AGA: variants seen among roughly 807,000 people sequenced by gnomAD.
The protein encoded by AGA is N(4)-(beta-N-acetylglucosaminyl)-L-asparaginase.
AGA carries 31 observed loss-of-function variants against 40.1 expected under a neutral mutation model. That is an observed-to-expected ratio of 0.77 (90% CI 0.58 to 1.04). The LOEUF (loss-of-function observed/expected upper bound fraction) is 1.04, where lower values mean the gene tolerates loss of function less well. Ranked by LOEUF, AGA falls within the 50% of genes least tolerant of loss-of-function variation. The pLI is 0.00. For missense variants in AGA, 445 were observed against 435.4 expected (o/e 1.02, Z -0.20); for synonymous variants, 148 against 144.0 (o/e 1.03, Z -0.20).
At position 177,436,212 on chromosome 4, in the gene AGA, C is replaced by T. The variant is rs79838824; in HGVS notation, c.698+64G>A. On this transcript the variant is annotated intron_variant, in intron 6 of 8. Transcript: ENST00000264595. ...GCTGTGCTTTGCAACCCCCATAGCA[C>T]CCGGCATATATTGCTCTGCATTCAG... is the stretch of plus-strand genomic sequence containing the variant. 0.011 allele frequency: 14,989 copies of T among 1,368,842 alleles called. 351 individuals carry two copies. The highest frequency in any genetic ancestry group is 0.066 in the Admixed American group (3,916 of 59,552). 84.8% of individuals were successfully genotyped at this position (1,368,842 alleles called of 1,614,324 possible). A position where few individuals can be genotyped will look rare whatever the true frequency, so the allele number is the denominator to read the frequency against.
chr4:177,433,837 G>A (rs1736706620), intron 7 of AGA, among the ~76,000 whole-genome samples: 1 of 151,838 alleles, frequency 6.6e-6, no homozygotes, highest in South Asian at 2.1e-4. Context: ...TCTCATCTGG[G>A]AAGCAGGGTG....
intron 8 of AGA, 79 bp downstream of exon 8, chr4:177,433,135 T>C: frequency 6.3e-7 from 1 of 1,589,606 alleles, no homozygotes; most frequent in Admixed American, 1.7e-5. Flanking sequence ...TAGTGTATTG[T>C]ACAAAACAAT....
intron 7 of AGA, 63 bp from the exon 8 acceptor site, chr4:177,433,410 C>G: frequency 1.2e-6 from 2 of 1,603,362 alleles, no homozygotes; most frequent in East Asian, 4.5e-5. Context: ...AATTGGGTTA[C>G]TTGAAGTTAG....
intron 7 of AGA, among the ~76,000 whole-genome samples, chr4:177,434,171 T>C (rs953243574): frequency 1.3e-5 from 2 of 152,002 alleles, no homozygotes; most frequent in African/African-American, 4.8e-5. Flanking sequence ...ATTTTTTGTA[T>C]TTTTAGTAGA....
chr4:177,437,292 T>C, intron 5 of AGA, 113 bp downstream of exon 5: 1 of 797,694 alleles, frequency 1.3e-6, no homozygotes, highest in African/African-American at 1.7e-5. Context: ...AGAGGCACAC[T>C]TAATTGGCAG....
rs758423275 is a variant in AGA, at chr4:177,442,318, G to T, written c.58C>A (p.Leu20Ile). ...LLVPFLLCQA[L>I]VRCSSPLPLV... ...GGCAGAGGGCTGGAGCAGCGCACTA[G>T]GGCCTGGCAGAGCAGAAACGGCACG... The change falls in exon 1 of 9, where the codon CTA (leucine) becomes ATA (isoleucine). Residue 20 changes from leucine to isoleucine, a missense_variant. Physicochemically the swap from Leu to Ile is conservative, Grantham distance 5. Coordinates refer to ENST00000264595, the MANE Select transcript of AGA (RefSeq NM_000027.4). 1 of 1,614,130 alleles carries T rather than the reference G, an allele frequency of 6.2e-7. No individual in the cohort carries two copies. Among genetic ancestry groups the T allele is most frequent in the South Asian group, 1.1e-5 (1 of 91,086 alleles).
intron 6 of AGA, among the ~76,000 whole-genome samples, chr4:177,435,798 GCA>G (rs1210485864): frequency 2.8e-5 from 4 of 140,920 alleles, no homozygotes; most frequent in Non-Finnish European, 6.1e-5. Flanking sequence ...GCACGCACAC[GCA>G]CACATACACA....
At chr4:177,442,122 C>T (rs1213026706) in intron 1 of AGA, 127 bp downstream of exon 1, 20 of 1,406,706 alleles carry the variant, frequency 1.4e-5, no homozygotes, top group Non-Finnish European at 1.8e-5. Context: ...GAGGGCGGGA[C>T]CGCGAGGCCC....
rs1182439839 is a variant in AGA at position 177,440,297 on chromosome 4, G to A, written c.257C>T (p.Thr86Ile). 6 of 1,613,958 alleles carry A rather than the reference G, an allele frequency of 3.7e-6. No homozygotes were observed. The highest frequency in any genetic ancestry group is 5.1e-6 in the Non-Finnish European group (6 of 1,180,004). Residue 86 changes from threonine (T) to isoleucine (I), a missense_variant, in exon 2 of 9, where the codon ACA becomes ATA. Thr to Ile is a moderately conservative substitution (Grantham distance 89). Transcript: ENST00000264595. ...GGSPDELGET[T>I]LDAMIMDGTT... ...CCCATCCATGATCATGGCATCTAGT[G>A]TGGTTTCTCCAAGTTCATCAGGACT...
chr4:177,433,371 T>C, intron 7 of AGA, 24 bp from the exon 8 acceptor site: 1 of 1,613,834 alleles, frequency 6.2e-7, no homozygotes, highest in Non-Finnish European at 8.5e-7. Context: ...AGGTGAAACC[T>C]TAGTGTCTCA....
chr4:177,441,290 T>A (rs1189787578), intron 1 of AGA, among the ~76,000 whole-genome samples: 1 of 152,158 alleles, frequency 6.6e-6, no homozygotes, highest in Non-Finnish European at 1.5e-5. Flanking sequence ...GGGAATATCT[T>A]TCTCACAGCC....
At chr4:177,438,692 T>C in intron 4 of AGA, 53 bp downstream of exon 4, 1 of 1,206,654 alleles carries the variant, frequency 8.3e-7, no homozygotes, top group Non-Finnish European at 1.2e-6. Context: ...GCAGAAAGGA[T>C]GTCACTGAAT....
At chr4:177,436,582 G>A (rs553104914) in intron 5 of AGA, among the ~76,000 whole-genome samples, 1 of 152,146 alleles carries the variant, frequency 6.6e-6, no homozygotes, top group East Asian at 1.9e-4. Context: ...TATAAATGAG[G>A]CCCCAGAGAG....
chr4:177,441,366 A>G (rs1357292893), intron 1 of AGA, among the ~76,000 whole-genome samples: 1 of 152,188 alleles, frequency 6.6e-6, no homozygotes, highest in Non-Finnish European at 1.5e-5. Flanking sequence ...CTGCCCTAGA[A>G]AGTTAATACG....
At chr4:177,435,463 A>G (rs956415051) in intron 6 of AGA, among the ~76,000 whole-genome samples, 18 of 152,162 alleles carry the variant, frequency 1.2e-4, no homozygotes, top group African/African-American at 4.3e-4. Context: ...TTTATCATCT[A>G]ATTTCCAGAT....
chr4:177,441,007 G>A (rs1330871996), intron 1 of AGA, among the ~76,000 whole-genome samples: 1 of 152,116 alleles, frequency 6.6e-6, no homozygotes, highest in Admixed American at 6.5e-5. Context: ...AGAGCCACAG[G>A]TCAGGCAGTT....
In AGA at chr4:177,436,296, A is replaced by G. The variant is rs771926983; in HGVS notation, c.678T>C (p.Gly226=). Residue 226 remains glycine (G), a synonymous_variant, in exon 6 of 9, where the codon GGT becomes GGC. Coordinates refer to ENST00000264595, the MANE Select transcript of AGA (RefSeq NM_000027.4). ...GHIAAGTSTN[G]IKFKIHGRVG... is the part of the protein sequence containing the mutation. ...CTAACCCATGTATTTTGAATTTTAT[A>G]CCATTTGTAGATGTACCAGCAGCAA... 1 of 1,613,078 alleles carries G rather than the reference A, an allele frequency of 6.2e-7. No homozygotes were observed. Among genetic ancestry groups the G allele is most frequent in the South Asian group, 1.1e-5 (1 of 91,056 alleles).
chr4:177,438,932 A>T (rs534506747), intron 3 of AGA, 75 bp from the exon 4 acceptor site: 5 of 867,808 alleles, frequency 5.8e-6, no homozygotes, highest in African/African-American at 5.0e-5. Flanking sequence ...TACTAGAGAC[A>T]TTCTGGGTCA....
At chr4:177,440,569 A>C (rs1412327747) in intron 1 of AGA, 143 bp from the exon 2 acceptor site, 2 of 931,504 alleles carry the variant, frequency 2.1e-6, no homozygotes, top group East Asian at 5.4e-5. Flanking sequence ...ATCAAGTGTT[A>C]CAAAGGAGTC....
Sources: allele counts gnomAD v4.1 joint callset (sites outside exome capture counted in the v4.1 genomes callset), GRCh38; gene constraint gnomAD v4.1.1; transcripts MANE v1.5; gene names NCBI Gene and HGNC (gene_info 2026-07-23, HGNC 2026-07-21).